The following ATF6 variants were observed in gnomAD, a reference collection of about 807,000 sequenced individuals.
ATF6 encodes cyclic AMP-dependent transcription factor ATF-6 alpha.
Under a neutral mutation model 83.6 loss-of-function variants are expected in ATF6, and 53 were observed. The ratio of observed to expected loss-of-function variants is 0.63; its 90% CI spans 0.51 to 0.80. ATF6 has a LOEUF of 0.80. Ranked by LOEUF, ATF6 falls within the 30% of genes least tolerant of loss-of-function variation. The pLI, the probability that ATF6 is intolerant of heterozygous loss-of-function variation, is 0.00. For missense variants in ATF6, 744 were observed against 797.9 expected, an observed-to-expected ratio of 0.93 and a Z score of 0.81; for synonymous variants, 288 against 285.8, an observed-to-expected ratio of 1.01 and a Z score of -0.08.
At chr1:161,840,731 G>A (rs971744981) in intron 9 of ATF6, among the ~76,000 whole-genome samples, 2 of 152,114 alleles carry the variant, frequency 1.3e-5, no homozygotes, top group Non-Finnish European at 2.9e-5. Flanking sequence ...GAAATCATTT[G>A]TGTTTTATTA....
At chr1:161,926,469 C>T (rs1688311740) in intron 15 of ATF6, among the ~76,000 whole-genome samples, 1 of 152,122 alleles carries the variant, frequency 6.6e-6, no homozygotes, top group African/African-American at 2.4e-5. Flanking sequence ...CAGGTGGCCT[C>T]TTTCTGGGGC....
chr1:161,846,054 C>G (rs1410422903), intron 9 of ATF6, among the ~76,000 whole-genome samples: 2 of 152,050 alleles, frequency 1.3e-5, no homozygotes, highest in South Asian at 2.1e-4. Context: ...GAAGTATTCT[C>G]TCATTGAAAA....
chr1:161,873,864 G>T (rs147503616), intron 14 of ATF6, among the ~76,000 whole-genome samples: 7 of 151,440 alleles, frequency 4.6e-5, no homozygotes, highest in African/African-American at 1.5e-4. Context: ...GCATGTAGCA[G>T]GTATTCAATA....
At chr1:161,868,256 G>A (rs1687051416) in intron 14 of ATF6, among the ~76,000 whole-genome samples, 1 of 152,108 alleles carries the variant, frequency 6.6e-6, no homozygotes, top group Non-Finnish European at 1.5e-5. Context: ...AATTACTATG[G>A]CAGCTTTGGC....
At chr1:161,943,004 C>T (rs747359083) in intron 15 of ATF6, among the ~76,000 whole-genome samples, 2 of 152,168 alleles carry the variant, frequency 1.3e-5, no homozygotes, top group Non-Finnish European at 2.9e-5. Flanking sequence ...TACAGGCATG[C>T]GCCGTGACAC....
At chr1:161,851,544 T>C (rs1411609297) in intron 10 of ATF6, among the ~76,000 whole-genome samples, 178 bp from the exon 11 acceptor site, 1 of 152,162 alleles carries the variant, frequency 6.6e-6, no homozygotes, top group Non-Finnish European at 1.5e-5. Flanking sequence ...CTGTAGAAAA[T>C]CAGAAAATGA....
intron 9 of ATF6, among the ~76,000 whole-genome samples, chr1:161,822,863 A>G (rs1171550431): frequency 6.6e-6 from 1 of 152,222 alleles, no homozygotes; most frequent in Non-Finnish European, 1.5e-5. Context: ...AACATTTCAT[A>G]TAGAATATAT....
intron 9 of ATF6, among the ~76,000 whole-genome samples, chr1:161,845,153 A>G (rs917024854): frequency 6.6e-6 from 1 of 152,164 alleles, no homozygotes; most frequent in African/African-American, 2.4e-5. Flanking sequence ...GATCAGAAAA[A>G]TATTCTAGAG....
chr1:161,857,584 G>T (rs1686791702), intron 12 of ATF6, among the ~76,000 whole-genome samples: 1 of 152,112 alleles, frequency 6.6e-6, no homozygotes, highest in Admixed American at 6.5e-5. Context: ...TAAAAGACTT[G>T]GGTAAATGAT....
intron 9 of ATF6, among the ~76,000 whole-genome samples, chr1:161,827,152 C>T (rs532327874): frequency 2.6e-5 from 4 of 152,092 alleles, no homozygotes; most frequent in Admixed American, 6.5e-5. Flanking sequence ...AGGCTGGTCT[C>T]GAACTCCTGA....
Position 161,852,402 on chromosome 1 carries a change from G to A in ATF6, c.1433+567G>A, listed in dbSNP as rs147140108. ...TATATATGAGCTATGCTTTTATTTC[G>A]TGTGTTGAAAAATTTGAATTTTTTT... On this transcript the variant is annotated intron_variant, in intron 11 of 15. Coordinates refer to ENST00000367942, the MANE Select transcript of ATF6 (RefSeq NM_007348.4). Among the ~76,000 whole-genome samples the A allele has an allele frequency of 2.6e-4, 39 of 152,110 alleles. No homozygotes were observed. In the South Asian group the frequency reaches 5.4e-3, roughly 21 times the overall value.
intron 14 of ATF6, among the ~76,000 whole-genome samples, chr1:161,910,790 A>C (rs1687976342): frequency 6.6e-6 from 1 of 152,152 alleles, no homozygotes; most frequent in East Asian, 1.9e-4. Context: ...TCTTAATCAG[A>C]AATGTGTGAT....
At chr1:161,846,070 G>A (rs1686479568) in intron 9 of ATF6, among the ~76,000 whole-genome samples, 2 of 152,082 alleles carry the variant, frequency 1.3e-5, no homozygotes, top group Non-Finnish European at 2.9e-5. Context: ...GAAAACACCA[G>A]TTTGCACCAT....
At chr1:161,793,345 A>ACAAT (rs1684930276) in intron 6 of ATF6, among the ~76,000 whole-genome samples, 1 of 152,238 alleles carries the variant, frequency 6.6e-6, no homozygotes, top group Non-Finnish European at 1.5e-5. Context: ...AAACAAACAA[A>ACAAT]CAAAAACCAG....
chr1:161,948,377 GAGTAA>G (rs1404157914), intron 15 of ATF6, among the ~76,000 whole-genome samples: 6 of 152,130 alleles, frequency 3.9e-5, no homozygotes, highest in Non-Finnish European at 5.9e-5. Flanking sequence ...TCATTTGCAA[GAGTAA>G]AGTAAATATT....
At chr1:161,848,458 T>C (rs762974115) in intron 10 of ATF6, among the ~76,000 whole-genome samples, 11 of 152,164 alleles carry the variant, frequency 7.2e-5, no homozygotes, top group Non-Finnish European at 1.6e-4. Flanking sequence ...GAGTAGATTC[T>C]AATCCCATAG....
chr1:161,832,202 A>T (rs1686081111), intron 9 of ATF6, among the ~76,000 whole-genome samples: 1 of 152,154 alleles, frequency 6.6e-6, no homozygotes, highest in Admixed American at 6.5e-5. Context: ...AATTGGCCAG[A>T]ACATTTTGAA....
chr1:161,911,039 G>A (rs1687982368), intron 14 of ATF6, among the ~76,000 whole-genome samples: 1 of 151,984 alleles, frequency 6.6e-6, no homozygotes, highest in Non-Finnish European at 1.5e-5. Flanking sequence ...TTTTTTCTTA[G>A]TTTTGCTGAT....
chr1:161,880,818 C>A (rs765242380), intron 14 of ATF6, among the ~76,000 whole-genome samples: 1 of 152,072 alleles, frequency 6.6e-6, no homozygotes, highest in Admixed American at 6.5e-5. Context: ...TAAGAAACTA[C>A]CAAACTACTT....
Sources: allele counts gnomAD v4.1 joint callset (sites outside exome capture counted in the v4.1 genomes callset), GRCh38; gene constraint gnomAD v4.1.1; transcripts MANE v1.5; gene names NCBI Gene and HGNC (gene_info 2026-07-23, HGNC 2026-07-21).